Variants in BRSK2 observed in about 807,000 individuals in gnomAD.
BRSK2 encodes serine/threonine-protein kinase BRSK2.
BRSK2 carries 19 observed loss-of-function variants against 83.3 expected under a neutral mutation model. The observed-to-expected ratio is 0.23, with a 90% CI of 0.16 to 0.33. BRSK2 has a LOEUF of 0.33. Ranked by LOEUF, BRSK2 falls within the 10% of genes least tolerant of loss-of-function variation. The pLI, the probability that BRSK2 is intolerant of heterozygous loss-of-function variation, is 1.00. For synonymous variants in BRSK2, 519 were observed against 435.4 expected, an observed-to-expected ratio of 1.19 and a Z score of -2.39; for missense variants, 798 against 1,042.3, an observed-to-expected ratio of 0.77 and a Z score of 3.23.
At chr11:1,408,514 C>G (rs1478820802) in intron 1 of BRSK2, among the ~76,000 whole-genome samples, 1 of 152,176 alleles carries the variant, frequency 6.6e-6, no homozygotes, top group African/African-American at 2.4e-5. Flanking sequence ...CCCCATCTTC[C>G]CAGGAGACAC....
chr11:1,433,757 G>A (rs1849900923), intron 1 of BRSK2, among the ~76,000 whole-genome samples: 1 of 152,244 alleles, frequency 6.6e-6, no homozygotes, highest in Non-Finnish European at 1.5e-5. Context: ...GCCTTGTGCT[G>A]GATCAAAGGC....
At chr11:1,452,031 C>T (rs758732980) in intron 15 of BRSK2, among the ~76,000 whole-genome samples, 24 of 152,146 alleles carry the variant, frequency 1.6e-4, no homozygotes, top group Admixed American at 4.6e-4. Flanking sequence ...GGCAGTGTCT[C>T]GGAGACCAGG....
Position 1,440,899 on chromosome 11 carries a change from G to C in BRSK2, c.384G>C (p.Ala128=). 1 of 1,609,184 alleles carries C rather than the reference G, an allele frequency of 6.2e-7. No individual in the cohort carries two copies. The highest frequency in any genetic ancestry group is 8.5e-7 in the Non-Finnish European group (1 of 1,178,646). The change falls in exon 4 of 20, where the codon GCG becomes GCC. Residue 128 remains alanine, a synonymous_variant. Transcript: ENST00000528841. ...AGTTCTTCCGGCAGATCATCTCTGC[G>C]CTGGACTTCTGCCACAGCCACTCCA... ...ARKFFRQIIS[A]LDFCHSHSIC...
intron 19 of BRSK2, 62 bp from the exon 20 acceptor site, chr11:1,460,438 C>G: frequency 9.0e-7 from 1 of 1,106,042 alleles, no homozygotes; most frequent in Non-Finnish European, 1.2e-6. Context: ...TCCTCTTTCT[C>G]TCCCCCTTTT....
chr11:1,410,515 G>A (rs894995705), intron 1 of BRSK2: 83 of 985,458 alleles, frequency 8.4e-5, no homozygotes, highest in South Asian at 6.1e-4. Flanking sequence ...CGCAGACTTC[G>A]GTGCTTCAAA....
At chr11:1,397,354 TGCCAGGTCCAG>T (rs1209331374) in intron 1 of BRSK2, among the ~76,000 whole-genome samples, 12 of 152,208 alleles carry the variant, frequency 7.9e-5, no homozygotes, top group African/African-American at 2.4e-4. Context: ...GGGCCCGGCC[TGCCAGGTCCAG>T]GCCTTGTTCT....
At position 1,438,445 on chromosome 11, in the gene BRSK2, G is replaced by C. The variant is rs929161084; in HGVS notation, c.272+54G>C. The C allele has an allele frequency of 2.6e-6, 4 of 1,538,010 alleles. No individual in the cohort carries two copies. The African/African-American group carries it at 5.5e-5, about 21-fold the overall frequency. On this transcript the variant is annotated intron_variant, in intron 3 of 19. Coordinates refer to ENST00000528841, the MANE Select transcript of BRSK2 (RefSeq NM_001256627.2). The surrounding 1 kb of genome is among the most constrained non-coding windows in gnomAD (Gnocchi z 6.4). ...GGTGGCGGAGGTGGCAGCTGTCGCT[G>C]CAGGGGTGGGTGTCTGGGGCTTGGG... is the stretch of plus-strand genomic sequence containing the variant.
Position 1,454,328 on chromosome 11 carries a change from G to GGCTTGGAGAAA in BRSK2, c.1545-156_1545-155insCTTGGAGAAAG. The stretch of plus-strand genomic sequence containing the variant: ...CATATGGGCTAGGGTTAGGGCGTTG[G>GGCTTGGAGAAA]GGTCAGGGCCATGGGTTCTGGCTAG... On this transcript the variant is annotated intron_variant, in intron 15 of 19. Coordinates refer to ENST00000528841, the MANE Select transcript of BRSK2 (RefSeq NM_001256627.2). The surrounding 1 kb of genome is among the most constrained non-coding windows in gnomAD (Gnocchi z 5.2). The GGCTTGGAGAAA allele has an allele frequency of 1.2e-6, 1 of 832,276 alleles. No homozygotes were observed. Among genetic ancestry groups the GGCTTGGAGAAA allele is most frequent in the Non-Finnish European group, 1.9e-6 (1 of 520,704 alleles). The allele number at this position is 832,276 out of a possible 1,614,324, so 51.6% of individuals were successfully genotyped here. A position where few individuals can be genotyped will look rare whatever the true frequency, so the allele number is the denominator to read the frequency against.
chr11:1,393,056 G>A (rs1270068391), intron 1 of BRSK2, among the ~76,000 whole-genome samples: 1 of 152,194 alleles, frequency 6.6e-6, no homozygotes, highest in African/African-American at 2.4e-5. Flanking sequence ...CTGCAAAGGT[G>A]CTGCCTTAGC....
chr11:1,443,673 C>CG lies in BRSK2; in HGVS notation c.780+45dup, dbSNP rs56896587. 16 of 1,508,256 alleles carry CG rather than the reference C, an allele frequency of 1.1e-5. No individual in the cohort carries two copies. The South Asian group carries it at 1.6e-4, about 15-fold the overall frequency. The allele number at this position is 1,508,256 out of a possible 1,614,324, so 93.4% of individuals were successfully genotyped here. A position where few individuals can be genotyped will look rare whatever the true frequency, so the allele number is the denominator to read the frequency against. ...GGAGCGGGGCGGCCCCAGAGCGTGG[C>CG]GGGGGGGCGCGGGGGCGGGCGTGTG... On this transcript the variant is annotated intron_variant, in intron 8 of 19. Transcript: ENST00000528841.
intron 1 of BRSK2, among the ~76,000 whole-genome samples, chr11:1,422,883 C>T (rs551059347): frequency 2.0e-5 from 3 of 152,216 alleles, no homozygotes; most frequent in Non-Finnish European, 4.4e-5. Context: ...GCCCACCCAG[C>T]AAGCCCCACA....
intron 11 of BRSK2, 35 bp from the exon 12 acceptor site, chr11:1,445,722 G>T: frequency 1.2e-6 from 2 of 1,610,438 alleles, no homozygotes; most frequent in Non-Finnish European, 8.5e-7. Context: ...ACCGGGGTCC[G>T]GGGGCTGTCT....
In BRSK2 at chr11:1,451,428, C is replaced by T. The variant is rs200527563; in HGVS notation, c.1544+9C>T. 1.3e-5 allele frequency: 21 copies of T among 1,612,506 alleles called. No homozygotes were observed. Among genetic ancestry groups the T allele is most frequent in the East Asian group, 2.2e-5 (1 of 44,886 alleles). On this transcript the variant is annotated intron_variant, in intron 15 of 19. Transcript: ENST00000528841. Reference sequence around the variant, plus strand: ...CCAGAGTCGTCCCCAGAGTAAGTGGCCCCTGCTGGAGGCCTCCTGGTACCT... The same window carrying T: ...CCAGAGTCGTCCCCAGAGTAAGTGGTCCCTGCTGGAGGCCTCCTGGTACCT...
intron 1 of BRSK2, among the ~76,000 whole-genome samples, chr11:1,412,962 A>C (rs960863506): frequency 3.9e-5 from 6 of 152,204 alleles, no homozygotes; most frequent in Admixed American, 2.6e-4. Context: ...TGACTGCTGT[A>C]GGCCTGAGGG....
chr11:1,439,258 A>G (rs1850807654), intron 3 of BRSK2, among the ~76,000 whole-genome samples: 2 of 151,774 alleles, frequency 1.3e-5, no homozygotes, highest in South Asian at 4.2e-4. Context: ...AGCAACGTCC[A>G]CGCTTGCTCT....
At chr11:1,433,185 T>C (rs953170062) in intron 1 of BRSK2, among the ~76,000 whole-genome samples, 24 of 152,216 alleles carry the variant, frequency 1.6e-4, no homozygotes, top group Admixed American at 1.5e-3. Context: ...GTGCCCTTGG[T>C]GGCTGTGCCC....
chr11:1,407,844 C>T (rs973950743), intron 1 of BRSK2, among the ~76,000 whole-genome samples: 17 of 152,214 alleles, frequency 1.1e-4, no homozygotes, highest in Admixed American at 7.9e-4. Context: ...GGGGCGGGCC[C>T]GGCAGGGAGG....
intron 3 of BRSK2, among the ~76,000 whole-genome samples, chr11:1,439,553 G>T (rs908074011): frequency 6.6e-6 from 1 of 152,034 alleles, no homozygotes; most frequent in Non-Finnish European, 1.5e-5. Context: ...AGTGCGGGGG[G>T]GATGGGCACA....
rs56189307 is a variant in BRSK2 at position 1,418,691 on chromosome 11, G to A, written c.92-17349G>A. Among the ~76,000 whole-genome samples the A allele has an allele frequency of 6.6e-3, 1,003 of 152,292 alleles. 11 individuals carry two copies. Among genetic ancestry groups the A allele is most frequent in the African/African-American group, 0.023 (938 of 41,546 alleles). ...CCCATTTCCCCACCTCTTTGCATAC[G>A]CTGTAATGTTTTGTTGGATACTGCA... On this transcript the variant is annotated intron_variant, in intron 1 of 19. Transcript: ENST00000528841.
Sources: gnomAD v4.1 joint callset for allele counts (sites outside exome capture counted in the v4.1 genomes callset) on GRCh38, gnomAD v4.1.1 for gene constraint, Gnocchi (gnomAD v3.1) non-coding constraint, MANE v1.5 for transcripts, NCBI Gene and HGNC (gene_info 2026-07-23, HGNC 2026-07-21) for gene names.